The following TRMT44 variants were observed in gnomAD, a reference collection of about 807,000 sequenced individuals.
TRMT44 encodes tRNA methyltransferase 44 homolog.
In TRMT44, 78 loss-of-function variants were observed where a neutral mutation model predicts 77.3. The ratio of observed to expected loss-of-function variants is 1.01; its 90% CI spans 0.84 to 1.22. The LOEUF (loss-of-function observed/expected upper bound fraction) is 1.22, where lower values mean the gene tolerates loss of function less well. TRMT44 is among the 50% of genes most tolerant of loss of function. The pLI, the probability that TRMT44 is intolerant of heterozygous loss-of-function variation, is 0.00. For synonymous variants in TRMT44, 391 were observed against 383.3 expected (o/e 1.02, Z -0.23); for missense variants, 1,090 against 964.4 (o/e 1.13, Z -1.73).
At chr4:8,505,461 C>T in the TRMT44 span, among the ~76,000 whole-genome samples, 2 of 152,184 alleles carry the variant, frequency 1.3e-5, no homozygotes, top group Admixed American at 6.5e-5. Flanking sequence ...GTCTGCAAGA[C>T]GTGGTAGGGT....
At chr4:8,443,914 T>G (rs1234242429) in intron 1 of TRMT44, among the ~76,000 whole-genome samples, 2 of 151,674 alleles carry the variant, frequency 1.3e-5, no homozygotes, top group African/African-American at 4.9e-5. Context: ...GAACCAAGAT[T>G]GTGCCACTGC....
chr4:8,508,575 A>G, the TRMT44 span, among the ~76,000 whole-genome samples: 2 of 152,166 alleles, frequency 1.3e-5, no homozygotes, highest in African/African-American at 4.8e-5. Flanking sequence ...GTGGGACTGG[A>G]TGGAAGGGAC....
At position 8,449,746 on chromosome 4, in the gene TRMT44, G is replaced by A; in HGVS notation, c.812G>A (p.Gly271Glu). 1 of 1,536,076 alleles carries A rather than the reference G, an allele frequency of 6.5e-7. No homozygotes were observed. The highest frequency in any genetic ancestry group is 8.7e-7 in the Non-Finnish European group (1 of 1,146,912). The change falls in exon 3 of 11, where the codon GGA becomes GAA. Residue 271 changes from glycine to glutamate, a missense_variant. Physicochemically the swap from Gly to Glu is moderately conservative, Grantham distance 98. Coordinates refer to ENST00000389737, the MANE Select transcript of TRMT44 (RefSeq NM_152544.3). ...GTGTATCCCAAACCCACGTGGCTTG[G>A]AGAAGAGTTGCTGGCCAAGTTGGCC... ...GIVYPKPTWL[G>E]EELLAKLAKW... is the part of the protein sequence containing the mutation.
At chr4:8,455,762 T>C (rs529179659) in intron 6 of TRMT44, among the ~76,000 whole-genome samples, 1 of 152,372 alleles carries the variant, frequency 6.6e-6, no homozygotes, top group African/African-American at 2.4e-5. Flanking sequence ...TTCCATTGAA[T>C]TGTAGGTAAC....
At chr4:8,500,374 C>T in the TRMT44 span, among the ~76,000 whole-genome samples, 2 of 150,636 alleles carry the variant, frequency 1.3e-5, no homozygotes, top group Non-Finnish European at 1.5e-5. Flanking sequence ...CACCCATAAT[C>T]GCAGCTACTC....
intron 10 of TRMT44, among the ~76,000 whole-genome samples, chr4:8,472,748 C>T (rs1473111956): frequency 6.6e-6 from 1 of 152,182 alleles, no homozygotes; most frequent in East Asian, 1.9e-4. Context: ...AGGCTGCCCC[C>T]AGAGTAGACA....
In TRMT44 at chr4:8,492,276, C is replaced by T. The variant is rs950524331; in HGVS notation, n.3892-990C>T. Among the ~76,000 whole-genome samples, 4 of 152,192 alleles carry T rather than the reference C, an allele frequency of 2.6e-5. No individual in the cohort carries two copies. In the East Asian group the frequency reaches 5.8e-4, roughly 22 times the overall value. On this transcript the variant is annotated intron_variant and non_coding_transcript_variant, in intron 2 of 2. Coordinates refer to the TRMT44 transcript ENST00000511366. Reference sequence around the variant, plus strand: ...AACGATCCTCAAATCATGTAAACCACCCGGAACTGGCAGTAAATCTGATAC... The same window carrying T: ...AACGATCCTCAAATCATGTAAACCATCCGGAACTGGCAGTAAATCTGATAC...
In TRMT44 at chr4:8,461,615, G is replaced by C. The variant is rs1421912492; in HGVS notation, c.1204-2370G>C. Among the ~76,000 whole-genome samples, 1 of 152,088 alleles carries C rather than the reference G, an allele frequency of 6.6e-6. No homozygotes were observed. Among genetic ancestry groups the C allele is most frequent in the Non-Finnish European group, 1.5e-5 (1 of 68,016 alleles). On this transcript the variant is annotated intron_variant, in intron 6 of 10. Coordinates refer to ENST00000389737, the MANE Select transcript of TRMT44 (RefSeq NM_152544.3). This position sits in a 1 kb window ranked among gnomAD's most constrained non-coding sequence, Gnocchi z 4.6. ...TTTTCTGTAGGGTCATCTGACCTGG[G>C]GAAGACCCTACCCCGAGCACTTAGT...
At chr4:8,463,435 TTC>T (rs1420106374) in intron 6 of TRMT44, among the ~76,000 whole-genome samples, 3 of 152,212 alleles carry the variant, frequency 2.0e-5, no homozygotes, top group South Asian at 2.1e-4. Context: ...CTTAATCACT[TTC>T]TGACAGTTTA....
At position 8,441,023 on chromosome 4, in the gene TRMT44, G is replaced by C. The variant is rs781458066; in HGVS notation, c.201G>C (p.Gln67His). 1.1e-5 allele frequency: 17 copies of C among 1,504,566 alleles called. No individual in the cohort carries two copies. The South Asian group carries it at 1.6e-4, about 15-fold the overall frequency. 93.2% of individuals were successfully genotyped at this position (1,504,566 alleles called of 1,614,324 possible). Residue 67 changes from glutamine to histidine, a missense_variant, in exon 1 of 11, where the codon CAG (glutamine) becomes CAC (histidine). Coordinates refer to ENST00000389737, the MANE Select transcript of TRMT44 (RefSeq NM_152544.3). ...RGPGTSAGSE[Q>H]KERGPGPGQG... ...CCGGGACTAGCGCAGGCTCGGAGCAGAAGGAGCGGGGTCCGGGACCCGGCC... is the reference window on the plus strand; with the variant it reads ...CCGGGACTAGCGCAGGCTCGGAGCACAAGGAGCGGGGTCCGGGACCCGGCC...
At chr4:8,489,749 A>G (rs996396511) in intron 2 of TRMT44, among the ~76,000 whole-genome samples, 3 of 152,204 alleles carry the variant, frequency 2.0e-5, no homozygotes, top group Non-Finnish European at 4.4e-5. Flanking sequence ...AAGTGCTGGA[A>G]TTACATGCGT....
Position 8,452,998 on chromosome 4 carries a change from C to T in TRMT44, c.1131+9C>T, listed in dbSNP as rs185883969. ...TCCTGAGCAGTGAGGGGGTAAGGCC[C>T]GGCTCCATCACCTTTTCTGGTAACT... is the stretch of plus-strand genomic sequence containing the variant. On this transcript the variant is annotated intron_variant, in intron 5 of 10. Transcript: ENST00000389737. This position sits in a 1 kb window ranked among gnomAD's most constrained non-coding sequence, Gnocchi z 5.7. The T allele has an allele frequency of 2.0e-5, 29 of 1,465,364 alleles. No individual in the cohort carries two copies. The highest frequency in any genetic ancestry group is 5.2e-5 in the East Asian group (2 of 38,388). The allele number at this position is 1,465,364 out of a possible 1,614,324, so 90.8% of individuals were successfully genotyped here. A position where few individuals can be genotyped will look rare whatever the true frequency, so the allele number is the denominator to read the frequency against.
chr4:8,466,151 C>A (rs1312120337), intron 8 of TRMT44, among the ~76,000 whole-genome samples: 1 of 152,222 alleles, frequency 6.6e-6, no homozygotes, highest in Non-Finnish European at 1.5e-5. Context: ...TACAGCAGCT[C>A]ACCTATGTCT....
the TRMT44 span, among the ~76,000 whole-genome samples, chr4:8,504,011 C>T: frequency 1.3e-5 from 2 of 152,290 alleles, no homozygotes; most frequent in South Asian, 4.2e-4. The surrounding 1 kb of genome is among the most constrained non-coding windows in gnomAD (Gnocchi z 5.3). Flanking sequence ...CTGTGGTGCC[C>T]TCTGCAGTCC....
In TRMT44 at chr4:8,444,075, CT is replaced by C. The variant is rs1320439018; in HGVS notation, c.620-2400del. On this transcript the variant is annotated intron_variant, in intron 1 of 10. Transcript: ENST00000389737. This position sits in a 1 kb window ranked among gnomAD's most constrained non-coding sequence, Gnocchi z 4.0. ...TTAAAGAACAGAATTCAGTTTGAGG[CT>C]ATGTGGATTTGAGACAGATTACTTA... is the stretch of plus-strand genomic sequence containing the variant. Among the ~76,000 whole-genome samples, 1 of 152,030 alleles carries C rather than the reference CT, an allele frequency of 6.6e-6. No individual in the cohort carries two copies. The highest frequency in any genetic ancestry group is 1.5e-5 in the Non-Finnish European group (1 of 68,026).
At chr4:8,515,603 CA>C in the TRMT44 span, among the ~76,000 whole-genome samples, 1 of 152,128 alleles carries the variant, frequency 6.6e-6, no homozygotes, top group Non-Finnish European at 1.5e-5. Context: ...GAAAGGCTTT[CA>C]GGGGGATATG....
intron 10 of TRMT44, chr4:8,473,714 A>T (rs1727181974): frequency 6.6e-6 from 1 of 152,412 alleles, no homozygotes; most frequent in Non-Finnish European, 1.5e-5. Context: ...TTTCAAAATG[A>T]GGAGCACATT....
In TRMT44 at chr4:8,446,173, TTC is replaced by T. The variant is rs1418727829; in HGVS notation, c.620-299_620-298del. Among the ~76,000 whole-genome samples, 1 of 152,212 alleles carries T rather than the reference TTC, an allele frequency of 6.6e-6. No homozygotes were observed. Among genetic ancestry groups the T allele is most frequent in the Non-Finnish European group, 1.5e-5 (1 of 68,048 alleles). On this transcript the variant is annotated intron_variant, in intron 1 of 10. Transcript: ENST00000389737. The surrounding 1 kb of genome is among the most constrained non-coding windows in gnomAD (Gnocchi z 4.3). Reference sequence around the variant, plus strand: ...TCAGTTAGGGCAGAGGTCCCCTGTTTTCTCTGATTGTAGCTCTCAAGTTCCAA... The same window carrying T: ...TCAGTTAGGGCAGAGGTCCCCTGTTTTCTGATTGTAGCTCTCAAGTTCCAA...
chr4:8,460,794 A>G (rs898592943), intron 6 of TRMT44, among the ~76,000 whole-genome samples: 1 of 152,042 alleles, frequency 6.6e-6, no homozygotes, highest in African/African-American at 2.4e-5. Flanking sequence ...CAAGTGATCC[A>G]CCTGCCTCGG....
Sources: gnomAD v4.1 joint callset for allele counts (sites outside exome capture counted in the v4.1 genomes callset) on GRCh38, gnomAD v4.1.1 for gene constraint, Gnocchi (gnomAD v3.1) non-coding constraint, MANE v1.5 for transcripts, NCBI Gene and HGNC (gene_info 2026-07-23, HGNC 2026-07-21) for gene names.